SLC16A14: variants seen among roughly 807,000 people sequenced by gnomAD.
SLC16A14 encodes the protein solute carrier family 16 member 14, also known as monocarboxylate transporter 14.
Under a neutral mutation model 35.8 loss-of-function variants are expected in SLC16A14, and 14 were observed. That is an observed-to-expected ratio of 0.39 (90% CI 0.26 to 0.61). SLC16A14 has a LOEUF of 0.61. SLC16A14 is among the 20% of genes least tolerant of loss of function. SLC16A14 has a pLI of 0.51. For missense variants in SLC16A14, 533 were observed against 655.0 expected, an observed-to-expected ratio of 0.81 and a Z score of 2.03; for synonymous variants, 248 against 258.9, an observed-to-expected ratio of 0.96 and a Z score of 0.40.
intron 1 of SLC16A14, among the ~76,000 whole-genome samples, chr2:230,064,096 CAA>C (rs547480511): frequency 3.0e-4 from 29 of 97,440 alleles, no homozygotes; most frequent in South Asian, 1.6e-3. Flanking sequence ...GACCCTGTCT[CAA>C]AAAAAAAAAA....
intron 2 of SLC16A14, among the ~76,000 whole-genome samples, chr2:230,054,122 T>C (rs1292150940): frequency 6.6e-6 from 1 of 151,894 alleles, no homozygotes; most frequent in African/African-American, 2.4e-5. Flanking sequence ...GTGGATCTGA[T>C]GTGCAATCAA....
chr2:230,066,638 A>ATTTTTTTTTT, intron 1 of SLC16A14: 1 of 377,574 alleles, frequency 2.6e-6, no homozygotes, highest in Non-Finnish European at 5.1e-6. Flanking sequence ...CAAGCAAGTC[A>ATTTTTTTTTT]TTTTTTTTTT....
At position 230,047,364 on chromosome 2, in the gene SLC16A14, T is replaced by G. The variant is rs138238161; in HGVS notation, c.404-642A>C. Among the ~76,000 whole-genome samples, 835 of 144,946 alleles carry G rather than the reference T, an allele frequency of 5.8e-3. 14 individuals carry two copies. Among genetic ancestry groups the G allele is most frequent in the Non-Finnish European group, 5.2e-3 (345 of 66,920 alleles). ...ACTCACTCTGTTGCCCAGGCTGGAA[T>G]GCAATGGTGCGATCACAGCTCATTG... On this transcript the variant is annotated intron_variant, in intron 3 of 4. Coordinates refer to ENST00000295190, the MANE Select transcript of SLC16A14 (RefSeq NM_152527.5).
intron 4 of SLC16A14, among the ~76,000 whole-genome samples, chr2:230,042,530 G>A (rs1434181371): frequency 6.6e-6 from 1 of 152,122 alleles, no homozygotes; most frequent in Non-Finnish European, 1.5e-5. Context: ...TTAGAAGAAA[G>A]TACCCCTGGA....
intron 1 of SLC16A14, among the ~76,000 whole-genome samples, chr2:230,063,910 G>A (rs563108008): frequency 3.9e-5 from 6 of 152,038 alleles, no homozygotes; most frequent in Non-Finnish European, 8.8e-5. Context: ...AGACCAGCCT[G>A]GACAACAGTG....
chr2:230,060,141 G>A (rs2077739834), intron 1 of SLC16A14, among the ~76,000 whole-genome samples: 1 of 152,156 alleles, frequency 6.6e-6, no homozygotes. Context: ...GTGACATACA[G>A]GTCACCAGGT....
intron 2 of SLC16A14, among the ~76,000 whole-genome samples, chr2:230,055,453 A>G (rs1417436441): frequency 6.6e-6 from 1 of 152,184 alleles, no homozygotes; most frequent in African/African-American, 2.4e-5. Context: ...TGATTTCTGA[A>G]ACTCAGCAAA....
intron 2 of SLC16A14, among the ~76,000 whole-genome samples, chr2:230,054,324 A>C (rs2077687810): frequency 6.6e-6 from 1 of 152,210 alleles, no homozygotes; most frequent in South Asian, 2.1e-4. Flanking sequence ...AATTAAGCTG[A>C]AAGCTGAGTC....
At chr2:230,049,625 GA>G in intron 3 of SLC16A14, 135 bp downstream of exon 3, 1 of 869,858 alleles carries the variant, frequency 1.1e-6, no homozygotes, top group East Asian at 2.7e-5. Flanking sequence ...GGAGTGTAGG[GA>G]GGGGTTGGGG....
intron 4 of SLC16A14, among the ~76,000 whole-genome samples, chr2:230,042,187 T>C (rs2077566188): frequency 6.6e-6 from 1 of 152,224 alleles, no homozygotes; most frequent in Admixed American, 6.5e-5. Context: ...CAACGATTTC[T>C]ACCGTCCATG....
At chr2:230,065,139 A>G (rs2077783292) in intron 1 of SLC16A14, among the ~76,000 whole-genome samples, 1 of 152,276 alleles carries the variant, frequency 6.6e-6, no homozygotes. Flanking sequence ...GAAGAGATGT[A>G]GGTGCCAACA....
At position 230,046,583 on chromosome 2, in the gene SLC16A14, G is replaced by A. The variant is rs1343032800; in HGVS notation, c.543C>T (p.Tyr181=). 5.0e-6 allele frequency: 8 copies of A among 1,614,110 alleles called. No homozygotes were observed. The highest frequency in any genetic ancestry group is 5.1e-6 in the Non-Finnish European group (6 of 1,180,036). ...TCCTCCAGCCGTACTCTGCGCACAG[G>A]TACTTCAGCAGCACAGTCATTAGGA... ...GTFLMTVLLK[Y]LCAEYGWRNA... is the part of the protein sequence containing the mutation. The change falls in exon 4 of 5, where the codon TAC becomes TAT. Residue 181 remains tyrosine (Y), a synonymous_variant. Coordinates refer to ENST00000295190, the MANE Select transcript of SLC16A14 (RefSeq NM_152527.5). This position sits in a 1 kb window ranked among gnomAD's most constrained non-coding sequence, Gnocchi z 5.0.
chr2:230,037,599 A>C (rs2077528769), intron 4 of SLC16A14, 68 bp from the exon 5 acceptor site: 1 of 1,312,870 alleles, frequency 7.6e-7, no homozygotes, highest in Admixed American at 2.5e-5. Context: ...AACATGAAGC[A>C]GGCATTTATT....
chr2:230,054,675 C>T (rs770672239), intron 2 of SLC16A14, among the ~76,000 whole-genome samples: 2 of 152,088 alleles, frequency 1.3e-5, no homozygotes, highest in Non-Finnish European at 2.9e-5. Context: ...AATTAACTTC[C>T]GGATTGATTG....
At chr2:230,050,598 C>CCT (rs2077652449) in intron 2 of SLC16A14, among the ~76,000 whole-genome samples, 1 of 152,122 alleles carries the variant, frequency 6.6e-6, no homozygotes, top group African/African-American at 2.4e-5. Flanking sequence ...ATGTGTGTGT[C>CCT]TGTGTACAGA....
chr2:230,052,022 C>T (rs373798333), intron 2 of SLC16A14, among the ~76,000 whole-genome samples: 1 of 151,588 alleles, frequency 6.6e-6, no homozygotes, highest in Admixed American at 6.6e-5. Context: ...CTGCAAGCTC[C>T]GCCTCCCGGG....
At chr2:230,060,563 TGTTGCCC>T (rs2077744099) in intron 1 of SLC16A14, among the ~76,000 whole-genome samples, 1 of 152,072 alleles carries the variant, frequency 6.6e-6, no homozygotes, top group Non-Finnish European at 1.5e-5. Flanking sequence ...GATCTCACTA[TGTTGCCC>T]AAGCTGGTCT....
At chr2:230,067,694 A>T (rs1460423863) in intron 1 of SLC16A14, among the ~76,000 whole-genome samples, 3 of 152,218 alleles carry the variant, frequency 2.0e-5, no homozygotes, top group Non-Finnish European at 2.9e-5. Context: ...AGCCCGAATC[A>T]ACTTTTCCTC....
chr2:230,062,563 A>G lies in SLC16A14; in HGVS notation c.-14-3197T>C, dbSNP rs1168709105. Among the ~76,000 whole-genome samples the G allele has an allele frequency of 3.3e-5, 5 of 152,026 alleles. No homozygotes were observed. The East Asian group carries it at 9.7e-4, about 29-fold the overall frequency. ...GGACTTTCACCGTGCTGCCCAGCCT[A>G]GTCTCAAGCAAGCCTCCTGCTTTGC... On this transcript the variant is annotated intron_variant, in intron 1 of 4. Coordinates refer to ENST00000295190, the MANE Select transcript of SLC16A14 (RefSeq NM_152527.5).
Sources: allele counts gnomAD v4.1 joint callset (sites outside exome capture counted in the v4.1 genomes callset), GRCh38; gene constraint gnomAD v4.1.1; non-coding constraint Gnocchi (gnomAD v3.1); transcripts MANE v1.5; gene names NCBI Gene and HGNC (gene_info 2026-07-23, HGNC 2026-07-21).